GNB1L: variants seen among roughly 807,000 people sequenced by gnomAD.
GNB1L encodes the protein guanine nucleotide-binding protein subunit beta-like protein 1.
In GNB1L, 20 loss-of-function variants were observed where a neutral mutation model predicts 29.1. The observed-to-expected ratio is 0.69, with a 90% CI of 0.48 to 1.00. GNB1L has a LOEUF of 1.00. Ranked by LOEUF, GNB1L falls within the 50% of genes least tolerant of loss-of-function variation. The probability of loss-of-function intolerance (pLI) is 0.00; values close to 1 mark genes in which losing one functional copy is unlikely to be tolerated. For synonymous variants in GNB1L, 193 were observed against 206.5 expected (o/e 0.93, Z 0.56); for missense variants, 421 against 464.9 (o/e 0.91, Z 0.87).
At chr22:19,847,592 C>G in intron 2 of GNB1L, 1 of 984,222 alleles carries the variant, frequency 1.0e-6, no homozygotes. Context: ...CCAGTCCCTG[C>G]TCTAAACCCC....
intron 1 of GNB1L, 95 bp downstream of exon 1, chr22:19,854,725 C>A (rs951481189): frequency 6.6e-6 from 1 of 152,374 alleles, no homozygotes; most frequent in East Asian, 1.9e-4. Flanking sequence ...TGCCCCTCTG[C>A]GGATCAGAAG....
At chr22:19,828,215 GGGCAAAAAGGTATAT>G (rs964643741) in intron 2 of GNB1L, among the ~76,000 whole-genome samples, 1 of 152,030 alleles carries the variant, frequency 6.6e-6, no homozygotes, top group African/African-American at 2.4e-5. Flanking sequence ...AATTAGAGAT[GGGCAAAAAGGTATAT>G]GGGGCAAACA....
intron 2 of GNB1L, among the ~76,000 whole-genome samples, chr22:19,833,701 T>TA (rs1035152443): frequency 3.3e-5 from 5 of 151,636 alleles, no homozygotes; most frequent in Admixed American, 2.0e-4. Context: ...CTGACTCTAC[T>TA]AAAAAAATAC....
At chr22:19,822,279 C>T (rs1220992548) in intron 2 of GNB1L, among the ~76,000 whole-genome samples, 3 of 152,034 alleles carry the variant, frequency 2.0e-5, no homozygotes, top group Non-Finnish European at 2.9e-5. Context: ...GGGGCAGAGT[C>T]GCCGTGCGGC....
intron 5 of GNB1L, among the ~76,000 whole-genome samples, chr22:19,810,577 G>T (rs1263242686): frequency 6.6e-6 from 1 of 152,192 alleles, no homozygotes; most frequent in Non-Finnish European, 1.5e-5. Context: ...GGCTGCCCCT[G>T]CCTGCGCCTG....
At chr22:19,825,939 C>T (rs1937616796) in intron 2 of GNB1L, among the ~76,000 whole-genome samples, 1 of 152,160 alleles carries the variant, frequency 6.6e-6, no homozygotes, top group African/African-American at 2.4e-5. Context: ...GCCTGGACAG[C>T]AGAACAAGAC....
At chr22:19,849,219 C>G in intron 2 of GNB1L, 5 of 985,396 alleles carry the variant, frequency 5.1e-6, no homozygotes, top group Non-Finnish European at 6.0e-6. Flanking sequence ...CCACCTATTT[C>G]CAAGGTTTCC....
At chr22:19,793,107 G>A in intron 7 of GNB1L, 2 of 1,349,134 alleles carry the variant, frequency 1.5e-6, no homozygotes, top group South Asian at 1.2e-5. Flanking sequence ...GTACACTGTT[G>A]AGTTTTCTGT....
At chr22:19,832,324 T>TATCCC (rs1210771105) in intron 2 of GNB1L, among the ~76,000 whole-genome samples, 1 of 152,158 alleles carries the variant, frequency 6.6e-6, no homozygotes, top group Non-Finnish European at 1.5e-5. Flanking sequence ...AGCAAGATTC[T>TATCCC]ATCCCACCCC....
intron 2 of GNB1L, among the ~76,000 whole-genome samples, chr22:19,839,464 A>G (rs1051519173): frequency 1.3e-5 from 2 of 152,124 alleles, no homozygotes; most frequent in African/African-American, 4.8e-5. Flanking sequence ...AAAATTAGAG[A>G]CAGGCACAGT....
At chr22:19,820,891 C>G (rs1783701043) in intron 3 of GNB1L, among the ~76,000 whole-genome samples, 168 bp from the exon 4 acceptor site, 3 of 152,346 alleles carry the variant, frequency 2.0e-5, no homozygotes, top group Admixed American at 1.3e-4. Flanking sequence ...GCACTCCTTG[C>G]TCCTCTTCCA....
intron 4 of GNB1L, among the ~76,000 whole-genome samples, chr22:19,818,650 C>A (rs565884035): frequency 4.6e-5 from 7 of 152,362 alleles, no homozygotes; most frequent in African/African-American, 1.7e-4. Flanking sequence ...GGACTATACT[C>A]CACAGTGCCA....
intron 4 of GNB1L, among the ~76,000 whole-genome samples, chr22:19,820,181 C>T (rs1190051557): frequency 6.6e-6 from 1 of 152,186 alleles, no homozygotes; most frequent in Non-Finnish European, 1.5e-5. Flanking sequence ...CCACTGCCTG[C>T]ATCCCTGAGC....
Position 19,806,649 on chromosome 22 carries a change from G to C in GNB1L, c.516+10C>G, listed in dbSNP as rs755215091. On this transcript the variant is annotated intron_variant, in intron 6 of 7. Coordinates refer to ENST00000329517, the MANE Select transcript of GNB1L (RefSeq NM_053004.3). The stretch of plus-strand genomic sequence containing the variant: ...CCGGCAGGGCGTGGCTGGTGCACGC[G>C]GGGCCTTACCTGCCACAGCCGCAGG... 1 of 1,580,464 alleles carries C rather than the reference G, an allele frequency of 6.3e-7. No individual in the cohort carries two copies.
chr22:19,852,191 G>A (rs760300855), intron 2 of GNB1L: 2 of 1,613,810 alleles, frequency 1.2e-6, no homozygotes, highest in East Asian at 4.5e-5. Flanking sequence ...CCATGGATGT[G>A]CGTTGGCATA....
At position 19,788,498 on chromosome 22, in the gene GNB1L, C is replaced by T. The variant is rs1335104282; in HGVS notation, c.*211G>A. 2.9e-6 allele frequency: 2 copies of T among 693,676 alleles called. No homozygotes were observed. The highest frequency in any genetic ancestry group is 3.5e-5 in the African/African-American group (2 of 56,620). The allele number at this position is 693,676 out of a possible 1,614,324, so 43.0% of individuals were successfully genotyped here. ...AACGTCTCCTGCAGGCCTCGGACGGCCAGGGCTCTGGCTGGCCCCCAGAGT... is the reference window on the plus strand; with the variant it reads ...AACGTCTCCTGCAGGCCTCGGACGGTCAGGGCTCTGGCTGGCCCCCAGAGT... On this transcript the variant is annotated 3_prime_UTR_variant, in exon 8 of 8. Transcript: ENST00000329517.
Position 19,790,881 on chromosome 22 carries a change from T to C in GNB1L, c.733-1921A>G, listed in dbSNP as rs1395686943. Reference sequence around the variant, plus strand: ...AATAAGAACAGGGTAATCTGAATAATAGGAACATTTGAATTCAGGGCCAAA... The same window carrying C: ...AATAAGAACAGGGTAATCTGAATAACAGGAACATTTGAATTCAGGGCCAAA... On this transcript the variant is annotated intron_variant, in intron 7 of 7. Coordinates refer to ENST00000329517, the MANE Select transcript of GNB1L (RefSeq NM_053004.3). Among the ~76,000 whole-genome samples the C allele has an allele frequency of 2.0e-5, 3 of 152,168 alleles. 1 individual carries two copies. Among genetic ancestry groups the C allele is most frequent in the Non-Finnish European group, 2.9e-5 (2 of 68,038 alleles).
intron 7 of GNB1L, among the ~76,000 whole-genome samples, chr22:19,796,933 G>A (rs567389581): frequency 6.6e-6 from 1 of 152,338 alleles, no homozygotes; most frequent in South Asian, 2.1e-4. Context: ...GAATAAAGCA[G>A]GGACGGAGCT....
At chr22:19,821,826 A>C (rs902534818) in intron 2 of GNB1L, among the ~76,000 whole-genome samples, 6 of 152,132 alleles carry the variant, frequency 3.9e-5, no homozygotes, top group Non-Finnish European at 7.4e-5. Flanking sequence ...CCCAGGGGCC[A>C]CACCAGTGCT....
Sources: allele counts gnomAD v4.1 joint callset (sites outside exome capture counted in the v4.1 genomes callset), GRCh38; gene constraint gnomAD v4.1.1; transcripts MANE v1.5; gene names NCBI Gene and HGNC (gene_info 2026-07-23, HGNC 2026-07-21).